The following THNSL1 variants were observed in gnomAD, a reference collection of about 807,000 sequenced individuals.
THNSL1 encodes threonine synthase-like 1.
Under a neutral mutation model 50.4 loss-of-function variants are expected in THNSL1, and 48 were observed. That is an observed-to-expected ratio of 0.95 (90% CI 0.76 to 1.21). The LOEUF is 1.21. Among genes scored for constraint, THNSL1 ranks in the 50% most tolerant of loss-of-function variants. The pLI, the probability that THNSL1 is intolerant of heterozygous loss-of-function variation, is 0.00. For missense variants in THNSL1, 896 were observed against 871.7 expected (o/e 1.03, Z -0.35); for synonymous variants, 309 against 306.1 (o/e 1.01, Z -0.10).
At chr10:25,022,761 C>G (rs1850750570) in intron 2 of THNSL1, among the ~76,000 whole-genome samples, 1 of 152,122 alleles carries the variant, frequency 6.6e-6, no homozygotes, top group Admixed American at 6.5e-5. Flanking sequence ...AGCACTCCAA[C>G]TCCAAATCAT....
chr10:24,984,864 C>T, the THNSL1 span: 2 of 1,613,490 alleles, frequency 1.2e-6, no homozygotes, highest in Non-Finnish European at 1.7e-6. Flanking sequence ...CCGAGAGGGA[C>T]TGGAATTCTT....
chr10:24,955,723 T>A, the THNSL1 span, among the ~76,000 whole-genome samples: 1 of 152,236 alleles, frequency 6.6e-6, no homozygotes, highest in African/African-American at 2.4e-5. Context: ...AGCAGGAGGC[T>A]CACTTGAGGC....
Position 25,023,865 on chromosome 10 carries a change from C to CA in THNSL1, c.645dup (p.Val216SerfsTer6), listed in dbSNP as rs557931570. ...GGGCTTCCCCAGAGGAGGTAGCTGACAAAGTGCTGAATGCAATTAAAAGAT... is the reference window on the plus strand; with the variant it reads ...GGGCTTCCCCAGAGGAGGTAGCTGACAAAAGTGCTGAATGCAATTAAAAGAT... On this transcript the variant is annotated frameshift_variant, in exon 3 of 3. Coordinates refer to ENST00000376356, the MANE Select transcript of THNSL1 (RefSeq NM_024838.5). LOFTEE classifies it high-confidence loss of function. 51 of 1,614,136 alleles carry CA rather than the reference C, an allele frequency of 3.2e-5. No individual in the cohort carries two copies. In the East Asian group the frequency reaches 8.7e-4, roughly 28 times the overall value.
At chr10:24,977,101 A>T in the THNSL1 span, among the ~76,000 whole-genome samples, 1 of 152,222 alleles carries the variant, frequency 6.6e-6, no homozygotes, top group South Asian at 2.1e-4. Flanking sequence ...GTTGATAAAG[A>T]GTGAAATAAT....
At chr10:24,995,725 G>A in the THNSL1 span, 6 of 1,613,868 alleles carry the variant, frequency 3.7e-6, no homozygotes, top group East Asian at 1.1e-4. Flanking sequence ...AACATAAATT[G>A]GTTTAGGCTT....
the THNSL1 span, among the ~76,000 whole-genome samples, chr10:24,996,338 C>T: frequency 6.6e-6 from 1 of 152,078 alleles, no homozygotes; most frequent in Non-Finnish European, 1.5e-5. Context: ...GGGAGGATTG[C>T]TTCAGCCTGG....
the THNSL1 span, among the ~76,000 whole-genome samples, chr10:25,000,303 T>C: frequency 3.9e-5 from 6 of 152,174 alleles, no homozygotes; most frequent in Non-Finnish European, 7.4e-5. Flanking sequence ...TGTGCCGCTG[T>C]TGGCTGGAGT....
the THNSL1 span, among the ~76,000 whole-genome samples, chr10:24,978,432 G>A: frequency 7.0e-6 from 1 of 142,316 alleles, no homozygotes; most frequent in Non-Finnish European, 1.5e-5. Flanking sequence ...TCTCTCTCCT[G>A]TCCTCTCTCT....
chr10:24,993,927 G>A, the THNSL1 span, among the ~76,000 whole-genome samples: 2,000 of 152,260 alleles, frequency 0.013, 57 homozygotes, highest in African/African-American at 0.046. Flanking sequence ...GACTGGAAGT[G>A]GCTTTAAGAG....
chr10:25,025,658 C>T lies in THNSL1; in HGVS notation c.*203C>T, dbSNP rs1437101149. On this transcript the variant is annotated 3_prime_UTR_variant, in exon 3 of 3. Coordinates refer to ENST00000376356, the MANE Select transcript of THNSL1 (RefSeq NM_024838.5). Reference sequence around the variant, plus strand: ...TTAATCTGGAAGTGACAAAAGGTAACACAGTGCACGGACCTTTGAGCTATC... The same window carrying T: ...TTAATCTGGAAGTGACAAAAGGTAATACAGTGCACGGACCTTTGAGCTATC... 6 of 585,798 alleles carry T rather than the reference C, an allele frequency of 1.0e-5. No individual in the cohort carries two copies. The highest frequency in any genetic ancestry group is 1.8e-5 in the Non-Finnish European group (6 of 328,342). 36.3% of individuals were successfully genotyped at this position (585,798 alleles called of 1,614,324 possible).
chr10:24,955,774 C>T, the THNSL1 span, among the ~76,000 whole-genome samples: 4 of 152,152 alleles, frequency 2.6e-5, no homozygotes, highest in Admixed American at 2.6e-4. Flanking sequence ...TGTAAGACCA[C>T]ATCACTATAA....
the THNSL1 span, among the ~76,000 whole-genome samples, chr10:24,998,862 G>C: frequency 1.3e-5 from 2 of 151,992 alleles, no homozygotes; most frequent in Admixed American, 6.6e-5. Context: ...ATAAGCATGG[G>C]GCCCTAAGCT....
At chr10:24,984,375 C>T in the THNSL1 span, 13 of 1,526,606 alleles carry the variant, frequency 8.5e-6, no homozygotes, top group Middle Eastern at 1.7e-4. Context: ...TGGTATCATG[C>T]GCTGCAGAAA....
intron 2 of THNSL1, 28 bp from the exon 3 acceptor site, chr10:25,023,147 GT>G: frequency 1.4e-6 from 2 of 1,423,146 alleles, no homozygotes; most frequent in South Asian, 2.8e-5. Context: ...ATCTTTTGTT[GT>G]TTTTTGTTTG....
chr10:24,992,290 T>C, the THNSL1 span, among the ~76,000 whole-genome samples: 5 of 151,964 alleles, frequency 3.3e-5, no homozygotes, highest in Admixed American at 6.6e-5. Context: ...TGAAGTAAAA[T>C]AAAGAAGGAT....
At chr10:24,954,316 T>C in the THNSL1 span, among the ~76,000 whole-genome samples, 2 of 152,098 alleles carry the variant, frequency 1.3e-5, no homozygotes, top group South Asian at 4.2e-4. Flanking sequence ...CAGATGGGTG[T>C]GATGTGGGTG....
At chr10:24,995,854 C>T in the THNSL1 span, 48 of 1,603,312 alleles carry the variant, frequency 3.0e-5, no homozygotes, top group East Asian at 4.5e-5. Flanking sequence ...GGGCACGTTC[C>T]GATCAAAGTT....
chr10:24,986,401 G>A, the THNSL1 span, among the ~76,000 whole-genome samples: 25 of 152,162 alleles, frequency 1.6e-4, no homozygotes, highest in African/African-American at 6.0e-4. Flanking sequence ...AGAAGAAAAA[G>A]TATCCAGGTT....
chr10:24,977,549 G>C, the THNSL1 span, among the ~76,000 whole-genome samples: 2 of 152,154 alleles, frequency 1.3e-5, no homozygotes, highest in South Asian at 4.1e-4. Flanking sequence ...CCATCAATAG[G>C]GTACTGGTGA....
Sources: gnomAD v4.1 joint callset for allele counts (sites outside exome capture counted in the v4.1 genomes callset) on GRCh38, gnomAD v4.1.1 for gene constraint, MANE v1.5 for transcripts, NCBI Gene and HGNC (gene_info 2026-07-23, HGNC 2026-07-21) for gene names.